Variants in TBC1D19 observed in about 807,000 individuals in gnomAD.
The protein encoded by TBC1D19 is TBC1 domain family member 19.
TBC1D19 carries 60 observed loss-of-function variants against 89.0 expected under a neutral mutation model. The ratio of observed to expected loss-of-function variants is 0.67; its 90% CI spans 0.55 to 0.84. The LOEUF is 0.84. Among genes scored for constraint, TBC1D19 ranks in the 40% least tolerant of loss-of-function variants. The pLI, the probability that TBC1D19 is intolerant of heterozygous loss-of-function variation, is 0.00. For missense variants in TBC1D19, 500 were observed against 610.8 expected (o/e 0.82, Z 1.91); for synonymous variants, 189 against 199.7 (o/e 0.95, Z 0.45).
At chr4:26,731,228 G>T (rs766862284) in intron 15 of TBC1D19, among the ~76,000 whole-genome samples, 70 of 152,130 alleles carry the variant, frequency 4.6e-4, no homozygotes, top group Non-Finnish European at 6.6e-4. Flanking sequence ...TTTCTAGGAA[G>T]ATTATTGTTT....
At chr4:26,678,833 CAA>C (rs1268293136) in intron 11 of TBC1D19, among the ~76,000 whole-genome samples, 1 of 151,990 alleles carries the variant, frequency 6.6e-6, no homozygotes, top group Non-Finnish European at 1.5e-5. Context: ...TTTTAGGAAA[CAA>C]AAGGGGAGGC....
At chr4:26,624,530 A>G (rs1742267868) in intron 4 of TBC1D19, among the ~76,000 whole-genome samples, 1 of 152,048 alleles carries the variant, frequency 6.6e-6, no homozygotes, top group Admixed American at 6.6e-5. Context: ...ATTTCTGTAT[A>G]CATCTTTCTG....
rs1018117701 is a variant in TBC1D19, at chr4:26,605,352, T to C, written c.100-7817T>C. Reference sequence around the variant, plus strand: ...GTTTACTGAGAATGATGATTTCCAATTTCATCCATGTCCCTACAAAGGACA... The same window carrying C: ...GTTTACTGAGAATGATGATTTCCAACTTCATCCATGTCCCTACAAAGGACA... On this transcript the variant is annotated intron_variant, in intron 1 of 20. Coordinates refer to ENST00000264866, the MANE Select transcript of TBC1D19 (RefSeq NM_018317.4). Among the ~76,000 whole-genome samples the C allele has an allele frequency of 2.5e-3, 376 of 151,098 alleles. 4 individuals carry two copies. The highest frequency in any genetic ancestry group is 8.9e-3 in the African/African-American group (365 of 41,152).
rs191261364 is a variant in TBC1D19 at position 26,741,128 on chromosome 4, G to A, written c.1227+1155G>A. ...TCCCAGCACTTTGGGAGGCCGAGGC[G>A]GGTGGATCATGAGGTCAGGAGATCG... On this transcript the variant is annotated intron_variant, in intron 17 of 20. Transcript: ENST00000264866. Among the ~76,000 whole-genome samples, 445 of 152,050 alleles carry A rather than the reference G, an allele frequency of 2.9e-3. 5 individuals carry two copies. The highest frequency in any genetic ancestry group is 0.023 in the Admixed American group (345 of 15,266).
intron 1 of TBC1D19, among the ~76,000 whole-genome samples, chr4:26,587,846 C>T (rs964378798): frequency 1.2e-4 from 18 of 151,296 alleles, no homozygotes; most frequent in African/African-American, 4.4e-4. Flanking sequence ...TTCAGGTTAT[C>T]TATTTCTTCT....
chr4:26,853,827 G>T, the TBC1D19 span, among the ~76,000 whole-genome samples: 1 of 152,160 alleles, frequency 6.6e-6, no homozygotes, highest in Non-Finnish European at 1.5e-5. Flanking sequence ...GAGCCACCGC[G>T]CCTGGCCAAG....
the TBC1D19 span, among the ~76,000 whole-genome samples, chr4:26,776,935 A>C: frequency 6.6e-6 from 1 of 152,022 alleles, no homozygotes; most frequent in African/African-American, 2.4e-5. Flanking sequence ...TTTTGTGTTC[A>C]CATTTTGAAG....
At chr4:26,720,033 A>T in intron 14 of TBC1D19, 48 bp from the exon 15 acceptor site, 1 of 1,475,452 alleles carries the variant, frequency 6.8e-7, no homozygotes, top group Non-Finnish European at 9.2e-7. Context: ...ATTTTTAAAG[A>T]TTTATTTACT....
rs59744575 is a variant in TBC1D19 at position 26,749,448 on chromosome 4, G to GT, written c.1435+940dup. 4.8e-3 allele frequency among the ~76,000 whole-genome samples: 513 copies of GT among 107,142 alleles called. 4 individuals carry two copies. Among genetic ancestry groups the GT allele is most frequent in the African/African-American group, 0.015 (492 of 32,704 alleles). The allele number at this position is 107,142 out of a possible 152,430, so 70.3% of individuals were successfully genotyped here. ...GGTATCATATTAACATATTCGGGTT[G>GT]TTTTTTTTTTTTTTTTTTGAGACAC... On this transcript the variant is annotated intron_variant, in intron 19 of 20. Coordinates refer to ENST00000264866, the MANE Select transcript of TBC1D19 (RefSeq NM_018317.4).
At chr4:26,736,163 G>A (rs1308826095) in intron 16 of TBC1D19, among the ~76,000 whole-genome samples, 1 of 88,952 alleles carries the variant, frequency 1.1e-5, no homozygotes, top group South Asian at 4.9e-4. Flanking sequence ...AACAATGATA[G>A]ACTGGATTAA....
Position 26,677,249 on chromosome 4 carries a change from T to C in TBC1D19, c.816+3361T>C, listed in dbSNP as rs1712900779. On this transcript the variant is annotated intron_variant, in intron 11 of 20. Transcript: ENST00000264866. ...CCACTCTCATTTCAAAATACCATCA[T>C]TTCTTGCCTGGATTAAAAAAAAACA... Among the ~76,000 whole-genome samples, 2 of 152,150 alleles carry C rather than the reference T, an allele frequency of 1.3e-5. 1 individual carries two copies. Among genetic ancestry groups the C allele is most frequent in the Admixed American group, 1.3e-4 (2 of 15,272 alleles).
At chr4:26,807,389 G>A in the TBC1D19 span, among the ~76,000 whole-genome samples, 1 of 152,202 alleles carries the variant, frequency 6.6e-6, no homozygotes, top group African/African-American at 2.4e-5. Context: ...AGTTCTGAGT[G>A]TCCCCCACGG....
At chr4:26,643,553 A>T (rs528521358) in intron 7 of TBC1D19, among the ~76,000 whole-genome samples, 2 of 152,318 alleles carry the variant, frequency 1.3e-5, no homozygotes, top group African/African-American at 4.8e-5. Flanking sequence ...AAAAGCTAGC[A>T]GAAGGCAAGA....
intron 13 of TBC1D19, among the ~76,000 whole-genome samples, chr4:26,709,184 C>G (rs1287023233): frequency 6.6e-6 from 1 of 151,988 alleles, no homozygotes; most frequent in East Asian, 1.9e-4. Context: ...TGTTCTCCTT[C>G]TGCCCAGGAT....
At chr4:26,842,624 C>CT in the TBC1D19 span, among the ~76,000 whole-genome samples, 1 of 126,488 alleles carries the variant, frequency 7.9e-6, no homozygotes, top group Non-Finnish European at 1.6e-5. Context: ...TTCTTTCTTT[C>CT]TTTCTTTCTT....
At chr4:26,709,445 A>T (rs1715991814) in intron 13 of TBC1D19, among the ~76,000 whole-genome samples, 1 of 152,098 alleles carries the variant, frequency 6.6e-6, no homozygotes, top group African/African-American at 2.4e-5. Context: ...GTTCAACAAC[A>T]GTGTTTCCTT....
At chr4:26,847,640 C>G in the TBC1D19 span, among the ~76,000 whole-genome samples, 1 of 152,126 alleles carries the variant, frequency 6.6e-6, no homozygotes, top group Non-Finnish European at 1.5e-5. Flanking sequence ...TGCTTTTACT[C>G]CAAGCTGTTT....
chr4:26,725,481 G>A (rs371610823), intron 15 of TBC1D19, among the ~76,000 whole-genome samples: 20 of 152,058 alleles, frequency 1.3e-4, no homozygotes, highest in East Asian at 7.7e-4. Flanking sequence ...GGCCGATAAT[G>A]AACTACTGCA....
intron 15 of TBC1D19, among the ~76,000 whole-genome samples, chr4:26,728,687 T>C (rs1003900725): frequency 2.0e-4 from 30 of 152,192 alleles, no homozygotes; most frequent in African/African-American, 7.2e-4. Flanking sequence ...TTTTTTAGTT[T>C]CTAGAATGCA....
Sources: gnomAD v4.1 joint callset for allele counts (sites outside exome capture counted in the v4.1 genomes callset) on GRCh38, gnomAD v4.1.1 for gene constraint, MANE v1.5 for transcripts, NCBI Gene and HGNC (gene_info 2026-07-23, HGNC 2026-07-21) for gene names.